Variants in FBXW7 observed in about 807,000 individuals in gnomAD.
FBXW7 encodes F-box and WD repeat domain containing 7.
Under a neutral mutation model 86.3 loss-of-function variants are expected in FBXW7, and 11 were observed. That is an observed-to-expected ratio of 0.13 (90% CI 0.08 to 0.21). The LOEUF (loss-of-function observed/expected upper bound fraction) is 0.21, where lower values mean the gene tolerates loss of function less well. FBXW7 is among the 10% of genes least tolerant of loss of function. The probability of loss-of-function intolerance (pLI) is 1.00; values close to 1 mark genes in which losing one functional copy is unlikely to be tolerated. For missense variants in FBXW7, 488 were observed against 847.4 expected, an observed-to-expected ratio of 0.58 and a Z score of 5.27; for synonymous variants, 313 against 297.9, an observed-to-expected ratio of 1.05 and a Z score of -0.52.
chr4:152,422,209 T>G (rs1739011543), intron 2 of FBXW7, among the ~76,000 whole-genome samples: 1 of 152,144 alleles, frequency 6.6e-6, no homozygotes, highest in Non-Finnish European at 1.5e-5. Flanking sequence ...TCAGAAAAAC[T>G]CAGTGAATTC....
chr4:152,357,764 T>G (rs1405940710), intron 4 of FBXW7, among the ~76,000 whole-genome samples: 1 of 152,126 alleles, frequency 6.6e-6, no homozygotes, highest in African/African-American at 2.4e-5. Flanking sequence ...GCCAAATTAG[T>G]CATCTGATGG....
intron 4 of FBXW7, among the ~76,000 whole-genome samples, chr4:152,363,210 T>C (rs1733153933): frequency 6.6e-6 from 1 of 152,174 alleles, no homozygotes; most frequent in South Asian, 2.1e-4. Context: ...ATAATGATTC[T>C]CCATTTTCTA....
chr4:152,472,015 T>C (rs1475935697), intron 2 of FBXW7, among the ~76,000 whole-genome samples: 1 of 152,100 alleles, frequency 6.6e-6, no homozygotes, highest in Non-Finnish European at 1.5e-5. Flanking sequence ...AATATATTCT[T>C]TAAAAATACT....
intron 5 of FBXW7, among the ~76,000 whole-genome samples, chr4:152,349,749 A>G (rs765919566): frequency 2.0e-5 from 3 of 151,830 alleles, no homozygotes; most frequent in Non-Finnish European, 4.4e-5. Context: ...GCTCATATTC[A>G]TATTTTATGG....
At chr4:152,433,929 A>G (rs1740140624) in intron 2 of FBXW7, among the ~76,000 whole-genome samples, 1 of 152,244 alleles carries the variant, frequency 6.6e-6, no homozygotes, top group Non-Finnish European at 1.5e-5. Context: ...AGGAAGTAAC[A>G]GAATACAGTT....
intron 4 of FBXW7, chr4:152,352,981 G>C (rs936074957): frequency 1.5e-6 from 2 of 1,319,344 alleles, no homozygotes; most frequent in Non-Finnish European, 1.9e-6. Flanking sequence ...TGAACAGAGG[G>C]AGGATGTGGG....
Position 152,323,063 on chromosome 4 carries a change from G to A in FBXW7, c.1942C>T (p.Leu648=). The A allele has an allele frequency of 6.2e-7, 1 of 1,613,844 alleles. No individual in the cohort carries two copies. The highest frequency in any genetic ancestry group is 1.1e-5 in the South Asian group (1 of 91,084). Residue 648 remains leucine (L), a synonymous_variant, in exon 14 of 14, where the codon CTA becomes TTA. Transcript: ENST00000281708. ...AATTCACCCGTTTTCAAGTCCCATA[G>A]TTTTACAGTTCCATCATCTGAGCTG... ...ITSSDDGTVK[L]WDLKTGEFIR...
At chr4:152,447,332 TTA>T (rs1741496092) in intron 2 of FBXW7, among the ~76,000 whole-genome samples, 1 of 152,200 alleles carries the variant, frequency 6.6e-6, no homozygotes, top group African/African-American at 2.4e-5. Flanking sequence ...TTCAGTATTT[TTA>T]TGTGGTGGAG....
At chr4:152,466,760 G>T (rs1203684532) in intron 2 of FBXW7, among the ~76,000 whole-genome samples, 1 of 151,922 alleles carries the variant, frequency 6.6e-6, no homozygotes, top group Non-Finnish European at 1.5e-5. Flanking sequence ...GGCTAACATG[G>T]TGACATGCCA....
At chr4:152,442,568 G>A (rs1158426710) in intron 2 of FBXW7, among the ~76,000 whole-genome samples, 1 of 152,190 alleles carries the variant, frequency 6.6e-6, no homozygotes, top group African/African-American at 2.4e-5. Flanking sequence ...TATTTCCAGT[G>A]GTTTACACAA....
chr4:152,501,616 T>C (rs1237624893), intron 2 of FBXW7, among the ~76,000 whole-genome samples: 9 of 152,228 alleles, frequency 5.9e-5, no homozygotes, highest in Non-Finnish European at 8.8e-5. Flanking sequence ...ATTAAATATC[T>C]GAGCTCCACT....
At chr4:152,521,682 T>C (rs1435563929) in intron 2 of FBXW7, among the ~76,000 whole-genome samples, 1 of 151,966 alleles carries the variant, frequency 6.6e-6, no homozygotes, top group Non-Finnish European at 1.5e-5. Context: ...GTAGATTGGA[T>C]CTGGACTAGA....
chr4:152,483,624 G>A (rs569323850), intron 2 of FBXW7, among the ~76,000 whole-genome samples: 7 of 152,162 alleles, frequency 4.6e-5, no homozygotes, highest in Non-Finnish European at 8.8e-5. Context: ...CTTGAGCCTG[G>A]GAGGTCAAGG....
At chr4:152,460,415 C>T (rs548991371) in intron 2 of FBXW7, among the ~76,000 whole-genome samples, 1 of 152,218 alleles carries the variant, frequency 6.6e-6, no homozygotes, top group Non-Finnish European at 1.5e-5. Context: ...TATGTATTTA[C>T]TAGTTTTGAT....
intron 10 of FBXW7, chr4:152,328,867 T>C (rs968219642): frequency 6.6e-6 from 1 of 152,104 alleles, no homozygotes; most frequent in Non-Finnish European, 1.5e-5. Flanking sequence ...AAGACAGACA[T>C]TAAAGCCCTG....
chr4:152,348,822 A>G (rs1731517668), intron 5 of FBXW7: 1 of 412,468 alleles, frequency 2.4e-6, no homozygotes, highest in African/African-American at 2.2e-5. Context: ...GAATAGTTTC[A>G]CTTGTCTCTC....
In FBXW7 at chr4:152,399,166, A is replaced by G. The variant is rs145317040; in HGVS notation, c.501+12137T>C. On this transcript the variant is annotated intron_variant, in intron 4 of 13. Coordinates refer to ENST00000281708, the MANE Select transcript of FBXW7 (RefSeq NM_001349798.2). Reference sequence around the variant, plus strand: ...TGTGAAGATTCTATACTTGGCACCAACATCAATCCTTCAAATGTCAAGGAA... The same window carrying G: ...TGTGAAGATTCTATACTTGGCACCAGCATCAATCCTTCAAATGTCAAGGAA... 7.1e-3 allele frequency among the ~76,000 whole-genome samples: 1,076 copies of G among 152,288 alleles called. 3 individuals are homozygous for G. The highest frequency in any genetic ancestry group is 0.012 in the Non-Finnish European group (809 of 67,990).
chr4:152,494,431 T>C (rs996821102), intron 2 of FBXW7, among the ~76,000 whole-genome samples: 2 of 152,226 alleles, frequency 1.3e-5, no homozygotes, highest in African/African-American at 4.8e-5. Flanking sequence ...TGGATTCCCA[T>C]GCAGTATTAG....
intron 4 of FBXW7, among the ~76,000 whole-genome samples, chr4:152,356,649 T>C (rs1732410061): frequency 6.6e-6 from 1 of 152,202 alleles, no homozygotes; most frequent in Non-Finnish European, 1.5e-5. Flanking sequence ...ATGCCAAGCA[T>C]GTTGAGACTG....
Sources: gnomAD v4.1 joint callset for allele counts (sites outside exome capture counted in the v4.1 genomes callset) on GRCh38, gnomAD v4.1.1 for gene constraint, MANE v1.5 for transcripts, NCBI Gene and HGNC (gene_info 2026-07-23, HGNC 2026-07-21) for gene names.